PIK3R6: variants seen among roughly 807,000 people sequenced by gnomAD.
The protein encoded by PIK3R6 is phosphoinositide 3-kinase regulatory subunit 6.
Under a neutral mutation model 84.9 loss-of-function variants are expected in PIK3R6, and 91 were observed. The ratio of observed to expected loss-of-function variants is 1.07; its 90% confidence interval spans 0.90 to 1.28. PIK3R6 has a LOEUF of 1.28. Among genes scored for constraint, PIK3R6 ranks in the 50% most tolerant of loss-of-function variants. The pLI is 0.00. For synonymous variants in PIK3R6, 416 were observed against 411.4 expected (o/e 1.01, Z -0.13); for missense variants, 996 against 985.1 (o/e 1.01, Z -0.15).
At chr17:8,864,950 C>T (rs890848591) in intron 1 of PIK3R6, among the ~76,000 whole-genome samples, 4 of 152,128 alleles carry the variant, frequency 2.6e-5, no homozygotes, top group East Asian at 1.9e-4. Flanking sequence ...CTGAACAAGT[C>T]GCAGGCCAGG....
At chr17:8,865,765 G>C (rs1332375978) in intron 1 of PIK3R6, among the ~76,000 whole-genome samples, 1 of 151,966 alleles carries the variant, frequency 6.6e-6, no homozygotes, top group Non-Finnish European at 1.5e-5. Context: ...GAGCCGGGAG[G>C]TGAGGGTCCT....
intron 9 of PIK3R6, among the ~76,000 whole-genome samples, chr17:8,832,637 C>T (rs1263857520): frequency 6.6e-6 from 1 of 151,540 alleles, no homozygotes; most frequent in Non-Finnish European, 1.5e-5. Context: ...ACCCTGACCT[C>T]AGGTGATCCG....
chr17:8,857,339 C>G (rs1267260456), intron 1 of PIK3R6, among the ~76,000 whole-genome samples: 2 of 152,122 alleles, frequency 1.3e-5, no homozygotes, highest in African/African-American at 2.4e-5. Flanking sequence ...TGCCAAAAGC[C>G]ACGTGGCCAT....
At position 8,806,699 on chromosome 17, in the gene PIK3R6, C is replaced by A. The variant is rs74978295; in HGVS notation, c.1996-2546G>T. On this transcript the variant is annotated intron_variant, in intron 18 of 19. Coordinates refer to ENST00000619866, the MANE Select transcript of PIK3R6 (RefSeq NM_001010855.4). ...GGTGGCCTAACAACATACCCCAAAG[C>A]CCCAGTTCTTCTGTTTCTGCTTTAT... Among the ~76,000 whole-genome samples the A allele has an allele frequency of 8.8e-3, 1,333 of 152,340 alleles. 19 individuals are homozygous for A. The highest frequency in any genetic ancestry group is 0.03 in the African/African-American group (1,235 of 41,564).
At chr17:8,863,489 A>G (rs2089328172) in intron 1 of PIK3R6, among the ~76,000 whole-genome samples, 1 of 151,986 alleles carries the variant, frequency 6.6e-6, no homozygotes, top group African/African-American at 2.4e-5. Flanking sequence ...AAAACTTCAT[A>G]CCCTTTGACC....
At chr17:8,853,052 G>A (rs1372701417) in intron 1 of PIK3R6, among the ~76,000 whole-genome samples, 1 of 151,406 alleles carries the variant, frequency 6.6e-6, no homozygotes, top group African/African-American at 2.4e-5. Context: ...AAAAAATAAA[G>A]GCACAATTAT....
Position 8,832,947 on chromosome 17 carries a change from T to C in PIK3R6, c.744A>G (p.Val248=), listed in dbSNP as rs560539857. 3.5e-5 allele frequency: 57 copies of C among 1,613,012 alleles called. No homozygotes were observed. Among genetic ancestry groups the C allele is most frequent in the Non-Finnish European group, 4.3e-5 (51 of 1,179,754 alleles). ...SEASPSREGH[V]ERLEEIYCSL... Reference sequence around the variant, plus strand: ...AGCAGTAAATCTCCTCCAGCCTCTCTACGTGTCCCTCCCGGCTCGGGCTGG... The same window carrying C: ...AGCAGTAAATCTCCTCCAGCCTCTCCACGTGTCCCTCCCGGCTCGGGCTGG... Residue 248 remains valine (V), a synonymous_variant, in exon 9 of 20, where the codon GTA becomes GTG. Transcript: ENST00000619866.
intron 10 of PIK3R6, among the ~76,000 whole-genome samples, chr17:8,829,475 C>T (rs1274735996): frequency 1.3e-5 from 2 of 148,380 alleles, no homozygotes; most frequent in East Asian, 3.9e-4. Flanking sequence ...CACTGACACA[C>T]ACTCATGCAC....
In PIK3R6 at chr17:8,803,476, G is replaced by T; in HGVS notation, c.2109-47C>A. 6.5e-7 allele frequency: 1 copy of T among 1,545,540 alleles called. No homozygotes were observed. The highest frequency in any genetic ancestry group is 1.9e-5 in the Admixed American group (1 of 51,646). On this transcript the variant is annotated intron_variant, in intron 19 of 19. Transcript: ENST00000619866. The surrounding 1 kb of genome is among the most constrained non-coding windows in gnomAD (Gnocchi z 5.0). ...CTCAGGTGACCCATCTGAGGGATCAGATTGCCTAGGGCATTTGAAAGGCAG... is the reference window on the plus strand; with the variant it reads ...CTCAGGTGACCCATCTGAGGGATCATATTGCCTAGGGCATTTGAAAGGCAG...
At chr17:8,834,297 T>A (rs1319661200) in intron 8 of PIK3R6, among the ~76,000 whole-genome samples, 1 of 151,854 alleles carries the variant, frequency 6.6e-6, no homozygotes, top group Non-Finnish European at 1.5e-5. Context: ...AGGAGGCTTG[T>A]TTAGCTGGAG....
In PIK3R6 at chr17:8,828,713, C is replaced by G. The variant is rs1429128648; in HGVS notation, c.1167G>C (p.Gly389=). 2 of 1,609,828 alleles carry G rather than the reference C, an allele frequency of 1.2e-6. No homozygotes were observed. The highest frequency in any genetic ancestry group is 2.2e-5 in the South Asian group (2 of 90,482). ...CTGTCCTCCGGTGCAGCCCTGGGGG[C>G]CCGTCCCAGCTGCCAGGCATCAAGA... ...LDFLMPGSWD[G]PPGLHRRTGR... The change falls in exon 11 of 20, where the codon GGG becomes GGC. Residue 389 remains glycine, a synonymous_variant. Coordinates refer to ENST00000619866, the MANE Select transcript of PIK3R6 (RefSeq NM_001010855.4).
At chr17:8,834,873 T>C (rs1428761026) in intron 8 of PIK3R6, among the ~76,000 whole-genome samples, 1 of 152,132 alleles carries the variant, frequency 6.6e-6, no homozygotes, top group African/African-American at 2.4e-5. Flanking sequence ...AGTCTCTCTC[T>C]GTCACCCAGG....
At chr17:8,829,193 A>G (rs1248113302) in intron 10 of PIK3R6, among the ~76,000 whole-genome samples, 2 of 53,882 alleles carry the variant, frequency 3.7e-5, no homozygotes, top group Middle Eastern at 8.1e-3. Flanking sequence ...AGACAGACAT[A>G]CACACACGTG....
intron 14 of PIK3R6, 33 bp from the exon 15 acceptor site, chr17:8,823,119 G>C (rs767952522): frequency 2.1e-5 from 31 of 1,485,966 alleles, no homozygotes; most frequent in Non-Finnish European, 2.9e-5. Context: ...GCATTTCCTG[G>C]TGTGATTTCC....
chr17:8,859,974 C>G (rs2089233158), intron 1 of PIK3R6, among the ~76,000 whole-genome samples: 1 of 152,168 alleles, frequency 6.6e-6, no homozygotes, highest in African/African-American at 2.4e-5. Context: ...CTGGAGTGGC[C>G]TGACTAATAC....
At chr17:8,823,192 G>T (rs2087799360) in intron 14 of PIK3R6, 106 bp from the exon 15 acceptor site, 1 of 927,026 alleles carries the variant, frequency 1.1e-6, no homozygotes, top group Non-Finnish European at 1.7e-6. Context: ...ACATAAAGAA[G>T]ACCTACTTCT....
rs115370693 is a variant in PIK3R6 at position 8,818,949 on chromosome 17, C to T, written c.1995+134G>A. On this transcript the variant is annotated intron_variant, in intron 18 of 19. Transcript: ENST00000619866. ...AAGCGGATTCCTTCCAACAGGAAGA[C>T]CCACTCCAATAGCAAAGGCTCAGAA... The T allele has an allele frequency of 3.1e-3, 1,829 of 599,326 alleles. 22 individuals carry two copies. The African/African-American group carries it at 0.031, about 10-fold the overall frequency. 37.1% of individuals were successfully genotyped at this position (599,326 alleles called of 1,614,324 possible).
intron 1 of PIK3R6, among the ~76,000 whole-genome samples, chr17:8,855,197 A>G (rs1309383361): frequency 2.8e-5 from 4 of 142,524 alleles, no homozygotes; most frequent in Non-Finnish European, 5.9e-5. Context: ...CATCTCAGAA[A>G]CAAAACAAAA....
Position 8,823,094 on chromosome 17 carries a change from G to A in PIK3R6, c.1627-8C>T, listed in dbSNP as rs768485058. On this transcript the variant is annotated splice_polypyrimidine_tract_variant and splice_region_variant and intron_variant, in intron 14 of 19. Coordinates refer to ENST00000619866, the MANE Select transcript of PIK3R6 (RefSeq NM_001010855.4). ...CAGGTCACTGAAAAAGATCTGGAGA[G>A]AGGAAGGGAGGGTGGCATTTCCTGG... 3 of 1,575,186 alleles carry A rather than the reference G, an allele frequency of 1.9e-6. No individual in the cohort carries two copies. The highest frequency in any genetic ancestry group is 1.4e-5 in the African/African-American group (1 of 73,952).
Sources: gnomAD v4.1 joint callset for allele counts (sites outside exome capture counted in the v4.1 genomes callset) on GRCh38, gnomAD v4.1.1 for gene constraint, Gnocchi (gnomAD v3.1) non-coding constraint, MANE v1.5 for transcripts, NCBI Gene and HGNC (gene_info 2026-07-23, HGNC 2026-07-21) for gene names.